PKHD1: variants seen among roughly 807,000 people sequenced by gnomAD.
PKHD1 encodes the protein PKHD1 ciliary IPT domain containing fibrocystin/polyductin, also known as fibrocystin.
PKHD1 carries 291 observed loss-of-function variants against 412.0 expected under a neutral mutation model. That is an observed-to-expected ratio of 0.71 (90% confidence interval 0.64 to 0.78). PKHD1 has a LOEUF of 0.78. PKHD1 is among the 30% of genes least tolerant of loss of function. PKHD1 has a pLI of 0.00. For missense variants in PKHD1, 4,825 were observed against 4,950.7 expected (o/e 0.97, Z 0.76); for synonymous variants, 1,777 against 1,821.5 (o/e 0.98, Z 0.62).
intron 52 of PKHD1, among the ~76,000 whole-genome samples, chr6:51,807,483 A>ATG (rs1323501426): frequency 1.1e-5 from 1 of 90,326 alleles, no homozygotes; most frequent in Admixed American, 1.1e-4. Context: ...ATATATATGT[A>ATG]TATGTGTGTG....
rs1403658819 is a variant in PKHD1, at chr6:51,697,849, ATGGCTTGTCTCCTACC to A, written c.10157-37896_10157-37881del. Reference sequence around the variant, plus strand: ...ATTTCAATTCCTGGGCATTTGCAATATGGCTTGTCTCCTACCTGGCATTTACTTTTTTTAAATCCTC... The same window carrying A: ...ATTTCAATTCCTGGGCATTTGCAATATGGCATTTACTTTTTTTAAATCCTC... On this transcript the variant is annotated intron_variant, in intron 60 of 66. Coordinates refer to ENST00000371117, the MANE Select transcript of PKHD1 (RefSeq NM_138694.4). 2.2e-4 allele frequency among the ~76,000 whole-genome samples: 33 copies of A among 152,338 alleles called. 1 individual carries two copies. The highest frequency in any genetic ancestry group is 7.5e-4 in the African/African-American group (31 of 41,582).
At chr6:51,918,293 C>T (rs951114061) in intron 37 of PKHD1, among the ~76,000 whole-genome samples, 5 of 152,004 alleles carry the variant, frequency 3.3e-5, no homozygotes, top group Admixed American at 3.3e-4. Flanking sequence ...TGGTTTGCTG[C>T]ACCCATCAAC....
At chr6:51,915,393 T>G (rs1413227363) in intron 37 of PKHD1, among the ~76,000 whole-genome samples, 3 of 152,148 alleles carry the variant, frequency 2.0e-5, no homozygotes, top group Non-Finnish European at 4.4e-5. Flanking sequence ...TTGGCCTCTA[T>G]TTCTGTACTT....
intron 37 of PKHD1, among the ~76,000 whole-genome samples, chr6:51,931,741 A>T (rs1786625982): frequency 6.6e-6 from 1 of 152,172 alleles, no homozygotes. Context: ...GTGAGATCCT[A>T]GTCAATTCTC....
chr6:51,710,066 C>T (rs999988930), intron 60 of PKHD1, among the ~76,000 whole-genome samples: 2 of 151,920 alleles, frequency 1.3e-5, no homozygotes, highest in East Asian at 1.9e-4. Context: ...AAAAATTAGC[C>T]GGGCATGGTG....
chr6:51,757,268 A>C (rs975959962), intron 55 of PKHD1, among the ~76,000 whole-genome samples: 3 of 152,036 alleles, frequency 2.0e-5, no homozygotes, highest in African/African-American at 7.2e-5. Context: ...TGAGATTAAA[A>C]CTCATCCACA....
intron 36 of PKHD1, among the ~76,000 whole-genome samples, chr6:51,957,701 G>C (rs1791358630): frequency 6.6e-6 from 1 of 152,070 alleles, no homozygotes; most frequent in Non-Finnish European, 1.5e-5. Flanking sequence ...TACAATTCCA[G>C]TAAGTGAGAT....
At chr6:52,074,245 C>CA (rs1811041898) in intron 6 of PKHD1, among the ~76,000 whole-genome samples, 2 of 152,212 alleles carry the variant, frequency 1.3e-5, no homozygotes, top group East Asian at 1.9e-4. Context: ...AAGAATGTGA[C>CA]AAAAAAGATG....
At chr6:51,751,797 T>C (rs987070994) in intron 57 of PKHD1, among the ~76,000 whole-genome samples, 1 of 152,216 alleles carries the variant, frequency 6.6e-6, no homozygotes, top group East Asian at 1.9e-4. Context: ...AATTGTACTA[T>C]AGACTCTATT....
chr6:51,862,815 G>T (rs1774417498), intron 48 of PKHD1, among the ~76,000 whole-genome samples: 1 of 152,154 alleles, frequency 6.6e-6, no homozygotes, highest in Non-Finnish European at 1.5e-5. Context: ...CGCCCTGAAT[G>T]ACCTGAGGTT....
intron 57 of PKHD1, 78 bp from the exon 58 acceptor site, chr6:51,748,743 A>C (rs777461606): frequency 8.8e-7 from 1 of 1,137,392 alleles, no homozygotes; most frequent in Non-Finnish European, 1.3e-6. Context: ...TGGGGCATTA[A>C]GATATGAACA....
intron 35 of PKHD1, among the ~76,000 whole-genome samples, chr6:51,973,042 T>C (rs1438338537): frequency 6.6e-6 from 1 of 152,062 alleles, no homozygotes; most frequent in Non-Finnish European, 1.5e-5. Flanking sequence ...GTTATTAATA[T>C]GGGAAGAAGC....
intron 37 of PKHD1, among the ~76,000 whole-genome samples, chr6:51,928,270 A>G (rs1389611621): frequency 1.3e-5 from 2 of 152,194 alleles, no homozygotes; most frequent in African/African-American, 4.8e-5. Flanking sequence ...AATATCTGAA[A>G]TCAACTGGAA....
intron 60 of PKHD1, among the ~76,000 whole-genome samples, chr6:51,702,189 A>ATATATATAATATATAATATAT (rs1779515927): frequency 6.8e-6 from 1 of 146,078 alleles, no homozygotes; most frequent in African/African-American, 2.5e-5. Flanking sequence ...ATAATATATT[A>ATATATATAATATATAATATAT]TATATATTAT....
chr6:51,767,857 G>T (rs1219555039), intron 55 of PKHD1, among the ~76,000 whole-genome samples: 2 of 152,122 alleles, frequency 1.3e-5, no homozygotes, highest in Non-Finnish European at 2.9e-5. Context: ...GGATCAAATG[G>T]TATTTCTAGT....
intron 60 of PKHD1, among the ~76,000 whole-genome samples, chr6:51,690,271 CAAAAA>C (rs70977310): frequency 4.5e-5 from 5 of 109,918 alleles, no homozygotes; most frequent in African/African-American, 1.7e-4. Flanking sequence ...GACTCCATCT[CAAAAA>C]AAAAAAAAAA....
intron 60 of PKHD1, chr6:51,741,135 C>T (rs776498346): frequency 1.9e-6 from 1 of 518,884 alleles, no homozygotes; most frequent in East Asian, 5.5e-5. Flanking sequence ...CCATTGCAAC[C>T]AGCAGCAAGA....
In PKHD1 at chr6:51,868,000, A is replaced by G; in HGVS notation, c.7596T>C (p.Ser2532=). The G allele has an allele frequency of 6.2e-7, 1 of 1,613,346 alleles. No individual in the cohort carries two copies. Among genetic ancestry groups the G allele is most frequent in the Non-Finnish European group, 8.5e-7 (1 of 1,179,336 alleles). The part of the protein sequence containing the change: ...AILEDLDGSL[S]GKNRSHILAS... ...CAAGAATGTGACTTCTGTTTTTCCC[A>G]GACAGAGACCCATCCAAGTCTTCCA... Residue 2532 remains serine, a synonymous_variant, in exon 48 of 67, where the codon TCT becomes TCC. Coordinates refer to ENST00000371117, the MANE Select transcript of PKHD1 (RefSeq NM_138694.4).
chr6:51,958,243 CCCTTCAGATGA>C (rs887256929), intron 36 of PKHD1, among the ~76,000 whole-genome samples: 1 of 152,054 alleles, frequency 6.6e-6, no homozygotes, highest in Non-Finnish European at 1.5e-5. Flanking sequence ...AAAGAAGAGA[CCCTTCAGATGA>C]CTTACTCTCC....
Sources: allele counts gnomAD v4.1 joint callset (sites outside exome capture counted in the v4.1 genomes callset), GRCh38; gene constraint gnomAD v4.1.1; transcripts MANE v1.5; gene names NCBI Gene and HGNC (gene_info 2026-07-23, HGNC 2026-07-21).